The following CDH26 variants were observed in gnomAD, a reference collection of about 807,000 sequenced individuals.
CDH26 encodes the protein cadherin-like protein 26.
CDH26 carries 83 observed loss-of-function variants against 90.3 expected under a neutral mutation model. The observed-to-expected ratio is 0.92, with a 90% CI of 0.77 to 1.10. The LOEUF (loss-of-function observed/expected upper bound fraction) is 1.10, where lower values mean the gene tolerates loss of function less well. Ranked by LOEUF, CDH26 falls within the 50% of genes least tolerant of loss-of-function variation. The pLI is 0.00. For missense variants in CDH26, 1,013 were observed against 1,037.6 expected (o/e 0.98, Z 0.33); for synonymous variants, 397 against 396.3 (o/e 1.00, Z -0.02).
rs2061534950 is a variant in CDH26 at position 59,992,158 on chromosome 20, C to G, written c.1284-220C>G. 6.6e-6 allele frequency among the ~76,000 whole-genome samples: 1 copy of G among 152,178 alleles called. No individual in the cohort carries two copies. Among genetic ancestry groups the G allele is most frequent in the Admixed American group, 6.5e-5 (1 of 15,278 alleles). ...GGACGCTTGGTCTTCTGGTGAATGT[C>G]AATTCCACAGACCTAGGAGAGTCTT... On this transcript the variant is annotated intron_variant, in intron 9 of 17. Transcript: ENST00000348616. This position sits in a 1 kb window ranked among gnomAD's most constrained non-coding sequence, Gnocchi z 5.0.
downstream of CDH26, among the ~76,000 whole-genome samples, chr20:60,019,409 T>C (rs1569067497): frequency 6.6e-6 from 1 of 152,204 alleles, no homozygotes; most frequent in Non-Finnish European, 1.5e-5. Flanking sequence ...TCTTTTTTTG[T>C]CTGCCTGTTA....
At position 59,972,057 on chromosome 20, in the gene CDH26, A is replaced by G. The variant is rs1297120484; in HGVS notation, c.327A>G (p.Glu109=). ...EYPEIGLFSL[E]DHENGRIYVH... is the part of the protein sequence containing the mutation. ...CAGAGATTGGTTTGTTTTCTCTAGA[A>G]GATCATGAGAACGGAAGGATATATG... The change falls in exon 4 of 18, where the codon GAA becomes GAG. Residue 109 remains glutamate, a synonymous_variant. Coordinates refer to ENST00000348616, the MANE Select transcript of CDH26 (RefSeq NM_177980.4). The G allele has an allele frequency of 6.2e-7, 1 of 1,613,992 alleles. No homozygotes were observed.
chr20:59,967,884 C>CTCTCTCTCTCT (rs1569024350), intron 1 of CDH26, among the ~76,000 whole-genome samples: 13 of 103,056 alleles, frequency 1.3e-4, no homozygotes, highest in African/African-American at 6.1e-4. Context: ...TTTCTTCCTT[C>CTCTCTCTCTCT]CTTCCTTCCT....
chr20:60,001,237 T>G (rs757269299), intron 14 of CDH26, 106 bp from the exon 15 acceptor site: 8 of 1,356,458 alleles, frequency 5.9e-6, no homozygotes, highest in Admixed American at 3.6e-5. Context: ...TGTTTGCCTA[T>G]GAATATATGA....
chr20:59,970,212 A>G (rs751670276), intron 3 of CDH26, 26 bp downstream of exon 3: 2 of 1,609,202 alleles, frequency 1.2e-6, no homozygotes, highest in Admixed American at 3.4e-5. Flanking sequence ...TTAAGGAATG[A>G]CCCCATCATG....
downstream of CDH26, among the ~76,000 whole-genome samples, chr20:60,017,992 TA>T (rs773829175): frequency 1.3e-5 from 2 of 152,110 alleles, no homozygotes; most frequent in African/African-American, 2.4e-5. Context: ...TTTTGATTTT[TA>T]AAAACTTTTT....
chr20:59,970,199 C>T lies in CDH26; in HGVS notation c.231+13C>T. 1 of 1,612,222 alleles carries T rather than the reference C, an allele frequency of 6.2e-7. No individual in the cohort carries two copies. Among genetic ancestry groups the T allele is most frequent in the Non-Finnish European group, 8.5e-7 (1 of 1,179,194 alleles). On this transcript the variant is annotated intron_variant, in intron 3 of 17. Transcript: ENST00000348616. ...ACTCATTGGTGAGGTAAGGTGCCTA[C>T]TCTTAAGGAATGACCCCATCATGCC...
At chr20:59,961,883 A>C (rs2061079610) in intron 1 of CDH26, among the ~76,000 whole-genome samples, 1 of 152,204 alleles carries the variant, frequency 6.6e-6, no homozygotes, top group Non-Finnish European at 1.5e-5. Flanking sequence ...AGAAGAGGGA[A>C]GTTTTAAGAG....
At chr20:59,968,571 C>CAA (rs201223010) in intron 1 of CDH26, among the ~76,000 whole-genome samples, 4 of 150,520 alleles carry the variant, frequency 2.7e-5, no homozygotes, top group African/African-American at 9.8e-5. Context: ...AAATAAGGGG[C>CAA]AAAAAAAACA....
At chr20:59,986,616 TAC>T (rs3043440) in intron 7 of CDH26, among the ~76,000 whole-genome samples, 62,429 of 136,494 alleles carry the variant, frequency 0.46, 14,380 homozygotes, top group Admixed American at 0.54. Context: ...TAAATCCCCC[TAC>T]ACACACACAC....
Position 59,969,019 on chromosome 20 carries a change from C to A in CDH26, c.122C>A (p.Thr41Lys). ...QQETDDLTKQ[T>K]KEKIYQPLRR... is the part of the protein sequence containing the mutation. ...GAAACAGATGATCTTACTAAGCAAA[C>A]AAAGGTGAGGTTTGGAAGTCAGTTT... The change falls in exon 2 of 18, where the codon ACA becomes AAA. Residue 41 changes from threonine (T) to lysine (K), a missense_variant. Coordinates refer to ENST00000348616, the MANE Select transcript of CDH26 (RefSeq NM_177980.4). 6.3e-7 allele frequency: 1 copy of A among 1,588,504 alleles called. No homozygotes were observed. Among genetic ancestry groups the A allele is most frequent in the Non-Finnish European group, 8.6e-7 (1 of 1,157,956 alleles).
At chr20:59,963,928 T>G (rs2061111675) in intron 1 of CDH26, among the ~76,000 whole-genome samples, 1 of 152,116 alleles carries the variant, frequency 6.6e-6, no homozygotes, top group Non-Finnish European at 1.5e-5. Flanking sequence ...CCATGGTCTT[T>G]CAAGCCTGCC....
intron 17 of CDH26, among the ~76,000 whole-genome samples, chr20:60,009,071 C>A (rs1270663689): frequency 1.3e-5 from 2 of 152,192 alleles, no homozygotes; most frequent in East Asian, 3.9e-4. Flanking sequence ...TGTGTCATTA[C>A]TGGTGCATGA....
exon 9 of CDH26, chr20:60,033,926 T>G: frequency 3.7e-6 from 1 of 272,568 alleles, no homozygotes; most frequent in Non-Finnish European, 5.9e-6. Flanking sequence ...CCAATATGCA[T>G]GTAAGAATTA....
At position 60,020,963 on chromosome 20, in the gene CDH26, CCAGGCAGGGGAGATGGGGTG is replaced by C. The variant is rs1246685863; in HGVS notation, c.948-10264_948-10245del. On this transcript the variant is annotated intron_variant, in intron 7 of 8. Transcript: ENST00000370991. ...CCTCCTGTCTCTGGGCTGATCAGATCCAGGCAGGGGAGATGGGGTGCAGATGCACGGTGCCTCTACACTGC... is the reference window on the plus strand; with the variant it reads ...CCTCCTGTCTCTGGGCTGATCAGATCCAGATGCACGGTGCCTCTACACTGC... Among the ~76,000 whole-genome samples the C allele has an allele frequency of 1.1e-4, 16 of 152,284 alleles. No individual in the cohort carries two copies. In the South Asian group the frequency reaches 3.3e-3, roughly 32 times the overall value.
intron 1 of CDH26, among the ~76,000 whole-genome samples, chr20:59,960,844 G>T (rs1019513694): frequency 6.6e-6 from 1 of 152,178 alleles, no homozygotes; most frequent in African/African-American, 2.4e-5. Flanking sequence ...TAACGACCCA[G>T]CCGTTTTTCT....
downstream of CDH26, among the ~76,000 whole-genome samples, chr20:60,014,899 C>T (rs1206825701): frequency 6.6e-6 from 1 of 152,220 alleles, no homozygotes; most frequent in East Asian, 1.9e-4. Context: ...AGTGCCTGTA[C>T]TAATTTACAT....
At position 59,989,012 on chromosome 20, in the gene CDH26, G is replaced by A; in HGVS notation, c.1132G>A (p.Ala378Thr). 6.2e-7 allele frequency: 1 copy of A among 1,614,212 alleles called. No homozygotes were observed. ...RGKLQPPRKA[A>T]ASATVSVQVT... ...AAAGCTTCAGCCGCCAAGGAAGGCAGCAGCCAGCGCCACTGTGAGTGTGCA... is the reference window on the plus strand; with the variant it reads ...AAAGCTTCAGCCGCCAAGGAAGGCAACAGCCAGCGCCACTGTGAGTGTGCA... Residue 378 changes from alanine (A) to threonine (T), a missense_variant, in exon 9 of 18, where the codon GCA becomes ACA. Physicochemically the swap from Ala to Thr is moderately conservative, Grantham distance 58. Coordinates refer to ENST00000348616, the MANE Select transcript of CDH26 (RefSeq NM_177980.4).
At chr20:60,003,863 C>T (rs2061706973) in intron 16 of CDH26, among the ~76,000 whole-genome samples, 2 of 152,124 alleles carry the variant, frequency 1.3e-5, no homozygotes, top group South Asian at 4.1e-4. Context: ...CACAGTGCAG[C>T]CATACATAGT....
Sources: allele counts gnomAD v4.1 joint callset (sites outside exome capture counted in the v4.1 genomes callset), GRCh38; gene constraint gnomAD v4.1.1; non-coding constraint Gnocchi (gnomAD v3.1); transcripts MANE v1.5; gene names NCBI Gene and HGNC (gene_info 2026-07-23, HGNC 2026-07-21).